The following ANK1 variants were observed in gnomAD, a reference collection of about 807,000 sequenced individuals.
ANK1 encodes the protein ankyrin-1.
A neutral mutation model predicts 210.4 loss-of-function variants in ANK1; 51 were observed. That is an observed-to-expected ratio of 0.24 (90% CI 0.19 to 0.31). ANK1 has a LOEUF of 0.31. ANK1 is among the 10% of genes least tolerant of loss of function. The probability of loss-of-function intolerance (pLI) is 1.00; values close to 1 mark genes in which losing one functional copy is unlikely to be tolerated. For synonymous variants in ANK1, 967 were observed against 1,025.9 expected, an observed-to-expected ratio of 0.94 and a Z score of 1.10; for missense variants, 2,051 against 2,504.4, an observed-to-expected ratio of 0.82 and a Z score of 3.86.
intron 1 of ANK1, among the ~76,000 whole-genome samples, chr8:41,840,774 C>T (rs2883727): frequency 0.27 from 40,356 of 152,146 alleles, 7,343 homozygotes; most frequent in East Asian, 0.65. Flanking sequence ...GACCCAAACA[C>T]GCAACCCATA....
intron 2 of ANK1, among the ~76,000 whole-genome samples, chr8:41,736,394 A>G (rs947606900): frequency 1.3e-5 from 2 of 152,230 alleles, no homozygotes; most frequent in Non-Finnish European, 2.9e-5. Flanking sequence ...TTTTTCAGGC[A>G]GCACACAGCA....
At chr8:41,825,117 T>C (rs1805141769) in intron 1 of ANK1, among the ~76,000 whole-genome samples, 1 of 152,210 alleles carries the variant, frequency 6.6e-6, no homozygotes, top group Non-Finnish European at 1.5e-5. Context: ...TACTTCCAGG[T>C]GGAAACAGGA....
rs796650215 is a variant in ANK1, at chr8:41,730,454, T to TC, written c.229-2449_229-2448insG. On this transcript the variant is annotated intron_variant, in intron 3 of 42. Coordinates refer to ENST00000289734, the MANE Select transcript of ANK1 (RefSeq NM_000037.4). ...CCAGTCTGTCTGTCTTTTCTTTCTT[T>TC]TTTTTTTTTTTTTAAAGGCATAAAG... Among the ~76,000 whole-genome samples, 318 of 150,836 alleles carry TC rather than the reference T, an allele frequency of 2.1e-3. 3 individuals carry two copies. The highest frequency in any genetic ancestry group is 4.0e-3 in the African/African-American group (166 of 41,268).
Position 41,661,870 on chromosome 8 carries a change from A to G in ANK1, c.5544+6T>C. 6.2e-7 allele frequency: 1 copy of G among 1,614,098 alleles called. No homozygotes were observed. Among genetic ancestry groups the G allele is most frequent in the South Asian group, 1.1e-5 (1 of 91,088 alleles). On this transcript the variant is annotated splice_donor_region_variant and intron_variant, in intron 41 of 42. Coordinates refer to ENST00000289734, the MANE Select transcript of ANK1 (RefSeq NM_000037.4). ...TGGGATCCTCCAGGGGCCCCTCTAC[A>G]GTCACCTCCTCGTGCTCCTGGGCGG... is the stretch of plus-strand genomic sequence containing the variant.
rs1828944266 is a variant in ANK1 at position 41,720,374 on chromosome 8, C to T, written c.910-516G>A. Among the ~76,000 whole-genome samples, 4 of 152,114 alleles carry T rather than the reference C, an allele frequency of 2.6e-5. No individual in the cohort carries two copies. In the South Asian group the frequency reaches 8.3e-4, roughly 31 times the overall value. On this transcript the variant is annotated intron_variant, in intron 9 of 42. Coordinates refer to ENST00000289734, the MANE Select transcript of ANK1 (RefSeq NM_000037.4). ...ATGAATGAATTATGATAAAATAGAACTTGGATCTAAATCCCTCTGTTCCTT... is the reference window on the plus strand; with the variant it reads ...ATGAATGAATTATGATAAAATAGAATTTGGATCTAAATCCCTCTGTTCCTT...
At chr8:41,681,011 T>C (rs1007802615) in intron 37 of ANK1, among the ~76,000 whole-genome samples, 5 of 152,046 alleles carry the variant, frequency 3.3e-5, no homozygotes, top group Non-Finnish European at 5.9e-5. Flanking sequence ...GCCACACATA[T>C]TGGTTTGGGG....
At chr8:41,718,851 T>TC (rs931580497) in intron 10 of ANK1, among the ~76,000 whole-genome samples, 5 of 152,178 alleles carry the variant, frequency 3.3e-5, no homozygotes, top group African/African-American at 1.2e-4. Context: ...GGGACGCTGC[T>TC]AAACATCCTA....
At chr8:41,729,697 CT>C (rs1278434071) in intron 3 of ANK1, among the ~76,000 whole-genome samples, 1 of 152,236 alleles carries the variant, frequency 6.6e-6, no homozygotes, top group Non-Finnish European at 1.5e-5. Flanking sequence ...TGTCTGGATT[CT>C]TTTTTGATAT....
intron 1 of ANK1, among the ~76,000 whole-genome samples, chr8:41,784,681 G>A (rs1287124074): frequency 6.6e-6 from 1 of 152,110 alleles, no homozygotes; most frequent in Non-Finnish European, 1.5e-5. Context: ...ATGCACTTGG[G>A]AGCTAATTAC....
chr8:41,780,089 C>T (rs978300683), intron 1 of ANK1, among the ~76,000 whole-genome samples: 1 of 152,162 alleles, frequency 6.6e-6, no homozygotes, highest in African/African-American at 2.4e-5. Context: ...TGTGCTGAGG[C>T]CAATGGAAGG....
At chr8:41,847,618 C>A (rs1279574447) in intron 1 of ANK1, among the ~76,000 whole-genome samples, 1 of 152,204 alleles carries the variant, frequency 6.6e-6, no homozygotes, top group Non-Finnish European at 1.5e-5. Flanking sequence ...CTTCATTTTA[C>A]ACATGCAGAG....
chr8:41,656,926 C>T (rs561923726), intron 42 of ANK1, among the ~76,000 whole-genome samples: 4 of 152,090 alleles, frequency 2.6e-5, no homozygotes, highest in Admixed American at 6.6e-5. Context: ...GTGCTGCCAC[C>T]GTAGAGGGAA....
chr8:41,724,342 G>A (rs1022630521), intron 7 of ANK1, 114 bp downstream of exon 7: 4 of 891,258 alleles, frequency 4.5e-6, no homozygotes, highest in Non-Finnish European at 7.2e-6. Flanking sequence ...AGACAGCAGG[G>A]CTGTTTAACC....
chr8:41,800,171 C>G (rs1391327691), upstream of ANK1, among the ~76,000 whole-genome samples: 1 of 152,154 alleles, frequency 6.6e-6, no homozygotes, highest in Non-Finnish European at 1.5e-5. Flanking sequence ...CCTCTCCACT[C>G]CCCCAAACCC....
At chr8:41,887,242 CTTTT>C (rs35112522) in intron 1 of ANK1, among the ~76,000 whole-genome samples, 10 of 80,708 alleles carry the variant, frequency 1.2e-4, no homozygotes, top group Non-Finnish European at 2.2e-4. Context: ...CTTTCCTTTC[CTTTT>C]TTTTTTTTTT....
At chr8:41,887,242 CTTTTTTTTTTTTTT>C (rs35112522) in intron 1 of ANK1, among the ~76,000 whole-genome samples, 269 of 80,728 alleles carry the variant, frequency 3.3e-3, no homozygotes, top group African/African-American at 0.014. Flanking sequence ...CTTTCCTTTC[CTTTTTTTTTTTTTT>C]TTTTTTTTTA....
intron 1 of ANK1, among the ~76,000 whole-genome samples, chr8:41,795,879 G>T (rs967648278): frequency 2.0e-5 from 3 of 152,132 alleles, no homozygotes; most frequent in Non-Finnish European, 4.4e-5. Flanking sequence ...CAACAATACC[G>T]TGTACATTTC....
chr8:41,663,250 G>T (rs978373736), intron 40 of ANK1, among the ~76,000 whole-genome samples: 1 of 152,110 alleles, frequency 6.6e-6, no homozygotes, highest in Non-Finnish European at 1.5e-5. Context: ...CTCCCAAAGT[G>T]CTGGGATCAC....
At chr8:41,807,260 T>C (rs1441358527) in intron 1 of ANK1, among the ~76,000 whole-genome samples, 1 of 152,210 alleles carries the variant, frequency 6.6e-6, no homozygotes, top group Non-Finnish European at 1.5e-5. Context: ...ACTCATCAGA[T>C]GACCGAGGCA....
Sources: allele counts gnomAD v4.1 joint callset (sites outside exome capture counted in the v4.1 genomes callset), GRCh38; gene constraint gnomAD v4.1.1; transcripts MANE v1.5; gene names NCBI Gene and HGNC (gene_info 2026-07-23, HGNC 2026-07-21).